PLCB1: variants seen among roughly 807,000 people sequenced by gnomAD.
PLCB1 encodes 1-phosphatidylinositol 4,5-bisphosphate phosphodiesterase beta-1.
In PLCB1, 46 loss-of-function variants were observed where a neutral mutation model predicts 161.8. That is an observed-to-expected ratio of 0.28 (90% CI 0.22 to 0.36). The LOEUF (loss-of-function observed/expected upper bound fraction) is 0.36. PLCB1 is among the 10% of genes least tolerant of loss of function. PLCB1 has a pLI of 1.00. For synonymous variants in PLCB1, 517 were observed against 503.7 expected (o/e 1.03, Z -0.35); for missense variants, 1,016 against 1,472.5 (o/e 0.69, Z 5.07).
chr20:8,222,352 T>C lies in PLCB1; in HGVS notation c.177+71981T>C, dbSNP rs183377471. 7.5e-3 allele frequency among the ~76,000 whole-genome samples: 1,137 copies of C among 152,286 alleles called. 10 individuals are homozygous for C. Among genetic ancestry groups the C allele is most frequent in the African/African-American group, 0.024 (1,015 of 41,566 alleles). On this transcript the variant is annotated intron_variant, in intron 2 of 31. Coordinates refer to ENST00000338037, the MANE Select transcript of PLCB1 (RefSeq NM_015192.4). ...CTTTTCCTTCATTTCTAAATGATATTGTTTTCTAGATATAGAATTCTGGGG... is the reference window on the plus strand; with the variant it reads ...CTTTTCCTTCATTTCTAAATGATATCGTTTTCTAGATATAGAATTCTGGGG...
chr20:8,858,657 A>C (rs946283289), intron 31 of PLCB1, among the ~76,000 whole-genome samples: 2 of 152,080 alleles, frequency 1.3e-5, no homozygotes, highest in Non-Finnish European at 2.9e-5. Context: ...ACTGACCTTC[A>C]CATGGCTTGT....
intron 2 of PLCB1, among the ~76,000 whole-genome samples, chr20:8,307,783 A>C (rs1308290265): frequency 6.6e-6 from 1 of 151,838 alleles, no homozygotes; most frequent in Non-Finnish European, 1.5e-5. Flanking sequence ...TTAGCCGGGC[A>C]TAGTGGCACG....
At chr20:8,636,257 T>C (rs1193034364) in intron 4 of PLCB1, among the ~76,000 whole-genome samples, 1 of 106,598 alleles carries the variant, frequency 9.4e-6, no homozygotes, top group Non-Finnish European at 1.9e-5. Context: ...CATTACCTGC[T>C]ATTCCTGACC....
intron 3 of PLCB1, among the ~76,000 whole-genome samples, chr20:8,620,177 A>G (rs527323637): frequency 1.6e-3 from 241 of 152,306 alleles, no homozygotes; most frequent in Middle Eastern, 3.4e-3. Flanking sequence ...AAGAATTAAT[A>G]TATTTTTGTG....
intron 31 of PLCB1, among the ~76,000 whole-genome samples, chr20:8,856,510 G>A (rs1044577308): frequency 6.6e-6 from 1 of 152,094 alleles, no homozygotes; most frequent in Non-Finnish European, 1.5e-5. Context: ...CCAGCTACTG[G>A]GGAGGCTGAG....
intron 9 of PLCB1, among the ~76,000 whole-genome samples, chr20:8,669,269 G>A (rs1047240550): frequency 6.6e-6 from 1 of 152,196 alleles, no homozygotes; most frequent in Non-Finnish European, 1.5e-5. Flanking sequence ...TATTGACATT[G>A]TGGGGAGTTT....
chr20:8,534,643 G>A (rs1984967829), intron 3 of PLCB1, among the ~76,000 whole-genome samples: 1 of 152,136 alleles, frequency 6.6e-6, no homozygotes, highest in Non-Finnish European at 1.5e-5. Context: ...TCCCCTCAGA[G>A]AGCTGGGATG....
intron 3 of PLCB1, among the ~76,000 whole-genome samples, chr20:8,385,527 ACAGCTGTGGTG>A (rs1987401024): frequency 6.6e-6 from 1 of 152,220 alleles, no homozygotes; most frequent in African/African-American, 2.4e-5. Flanking sequence ...GCAGGCAGCC[ACAGCTGTGGTG>A]CTGGTGGCCC....
chr20:8,374,154 G>C (rs1986994104), intron 3 of PLCB1, among the ~76,000 whole-genome samples: 1 of 152,080 alleles, frequency 6.6e-6, no homozygotes, highest in Non-Finnish European at 1.5e-5. Context: ...TCGAGGGAGA[G>C]ACCAGGTGGA....
intron 3 of PLCB1, among the ~76,000 whole-genome samples, chr20:8,504,525 A>C (rs1285058464): frequency 6.6e-6 from 1 of 152,224 alleles, no homozygotes; most frequent in Non-Finnish European, 1.5e-5. Flanking sequence ...GTTGTGTTAC[A>C]CATGAAATTC....
chr20:8,565,541 GAACTT>G (rs1986302118), intron 3 of PLCB1, among the ~76,000 whole-genome samples: 1 of 150,622 alleles, frequency 6.6e-6, no homozygotes, highest in Non-Finnish European at 1.5e-5. Flanking sequence ...ATATAATAAA[GAACTT>G]AAAGTATAAT....
At chr20:8,333,267 C>T (rs1173666162) in intron 2 of PLCB1, among the ~76,000 whole-genome samples, 3 of 152,280 alleles carry the variant, frequency 2.0e-5, no homozygotes, top group Middle Eastern at 3.4e-3. Flanking sequence ...TGGATTTTCA[C>T]ATGAGTAAGG....
At chr20:8,234,495 T>C (rs972873544) in intron 2 of PLCB1, among the ~76,000 whole-genome samples, 1 of 152,146 alleles carries the variant, frequency 6.6e-6, no homozygotes, top group African/African-American at 2.4e-5. Context: ...TGTAACACTT[T>C]ACCCTTTTTG....
At chr20:8,868,262 A>G (rs1305129340) in intron 31 of PLCB1, among the ~76,000 whole-genome samples, 1 of 152,250 alleles carries the variant, frequency 6.6e-6, no homozygotes, top group Admixed American at 6.5e-5. Flanking sequence ...CAAGTATGAC[A>G]GACACAAAGA....
Position 8,308,311 on chromosome 20 carries a change from C to T in PLCB1, c.178-63071C>T, listed in dbSNP as rs533217950. On this transcript the variant is annotated intron_variant, in intron 2 of 31. Transcript: ENST00000338037. ...CCAATTTAATCTTCATAGGGACTTT[C>T]TGAGTAAAGAACTATGAATGTTCAG... Among the ~76,000 whole-genome samples the T allele has an allele frequency of 7.2e-5, 11 of 151,884 alleles. 1 individual carries two copies. The South Asian group carries it at 2.3e-3, about 32-fold the overall frequency.
intron 3 of PLCB1, among the ~76,000 whole-genome samples, chr20:8,450,381 C>T (rs917959847): frequency 3.3e-5 from 5 of 151,608 alleles, no homozygotes; most frequent in Admixed American, 3.3e-4. Context: ...ATTTTTCTTT[C>T]ATTTTTTTTT....
chr20:8,343,621 G>GTA (rs1235318008), intron 2 of PLCB1, among the ~76,000 whole-genome samples: 3 of 152,138 alleles, frequency 2.0e-5, no homozygotes, highest in Non-Finnish European at 4.4e-5. Flanking sequence ...GGATCATTTA[G>GTA]TATACTTCCA....
intron 3 of PLCB1, among the ~76,000 whole-genome samples, chr20:8,438,092 TTCTA>T (rs1199978975): frequency 1.3e-5 from 2 of 152,214 alleles, no homozygotes; most frequent in Admixed American, 6.5e-5. Context: ...ATTTTGTGTG[TTCTA>T]TCTTATATAT....
intron 1 of PLCB1, among the ~76,000 whole-genome samples, chr20:8,145,101 C>A (rs118072523): frequency 6.6e-6 from 1 of 151,972 alleles, no homozygotes; most frequent in Non-Finnish European, 1.5e-5. Context: ...GATTACACAA[C>A]GGAAATTTAT....
Sources: allele counts gnomAD v4.1 joint callset (sites outside exome capture counted in the v4.1 genomes callset), GRCh38; gene constraint gnomAD v4.1.1; transcripts MANE v1.5; gene names NCBI Gene and HGNC (gene_info 2026-07-23, HGNC 2026-07-21).